Variants in PCDHGA5 observed in about 807,000 individuals in gnomAD.
PCDHGA5 encodes the protein protocadherin gamma subfamily A, 5.
Under a neutral mutation model 56.7 loss-of-function variants are expected in PCDHGA5, and 36 were observed. The ratio of observed to expected loss-of-function variants is 0.64; its 90% CI spans 0.49 to 0.84. The LOEUF (loss-of-function observed/expected upper bound fraction) is 0.84. Among genes scored for constraint, PCDHGA5 ranks in the 40% least tolerant of loss-of-function variants. The probability of loss-of-function intolerance (pLI) is 0.00; values close to 1 mark genes in which losing one functional copy is unlikely to be tolerated. For missense variants in PCDHGA5, 1,305 were observed against 1,201.5 expected (o/e 1.09, Z -1.27); for synonymous variants, 563 against 520.2 (o/e 1.08, Z -1.12).
At chr5:141,415,176 C>G (rs773987499) in intron 1 of PCDHGA5, 17 of 1,613,816 alleles carry the variant, frequency 1.1e-5, no homozygotes, top group Non-Finnish European at 5.1e-6. Flanking sequence ...TCACCGTGGC[C>G]GTGGCCGACA....
At chr5:141,408,618 A>C (rs1264915663) in intron 1 of PCDHGA5, 1 of 1,614,024 alleles carries the variant, frequency 6.2e-7, no homozygotes, top group Admixed American at 1.7e-5. Flanking sequence ...AAGGAAATAC[A>C]TTTAGAAATT....
chr5:141,476,412 G>T lies in PCDHGA5; in HGVS notation c.2422-18395G>T. The T allele has an allele frequency of 1.2e-6, 2 of 1,614,140 alleles. No homozygotes were observed. Among genetic ancestry groups the T allele is most frequent in the Non-Finnish European group, 1.7e-6 (2 of 1,180,010 alleles). On this transcript the variant is annotated intron_variant, in intron 1 of 3. Coordinates refer to ENST00000518069, the MANE Select transcript of PCDHGA5 (RefSeq NM_018918.3). The surrounding 1 kb of genome is among the most constrained non-coding windows in gnomAD (Gnocchi z 7.6). ...CGTCTGGATCGAGAGGAGCTGTGTGGGACACTGCCCTCTTGCACTGTAACT... is the reference window on the plus strand; with the variant it reads ...CGTCTGGATCGAGAGGAGCTGTGTGTGACACTGCCCTCTTGCACTGTAACT...
At chr5:141,466,574 T>C (rs978880367) in intron 1 of PCDHGA5, among the ~76,000 whole-genome samples, 5 of 152,218 alleles carry the variant, frequency 3.3e-5, no homozygotes, top group Non-Finnish European at 5.9e-5. Flanking sequence ...CAACATTGTC[T>C]CATCCCTTCT....
rs1404656316 is a variant in PCDHGA5 at position 141,486,648 on chromosome 5, A to G, written c.2422-8159A>G. 6.2e-7 allele frequency: 1 copy of G among 1,613,298 alleles called. No individual in the cohort carries two copies. The highest frequency in any genetic ancestry group is 8.5e-7 in the Non-Finnish European group (1 of 1,179,892). The stretch of plus-strand genomic sequence containing the variant: ...TCTGGCTTGAATGCGCTTATCTCCT[A>G]CTCACTCCTGGAGCCCAGGAATCGA... On this transcript the variant is annotated intron_variant, in intron 1 of 3. Coordinates refer to ENST00000518069, the MANE Select transcript of PCDHGA5 (RefSeq NM_018918.3). This position sits in a 1 kb window ranked among gnomAD's most constrained non-coding sequence, Gnocchi z 5.0.
intron 1 of PCDHGA5, chr5:141,383,056 G>A (rs768364409): frequency 4.3e-6 from 7 of 1,613,906 alleles, no homozygotes; most frequent in Non-Finnish European, 5.9e-6. Context: ...CAAGGACCTG[G>A]GGCTGGAGCC....
intron 1 of PCDHGA5, among the ~76,000 whole-genome samples, chr5:141,482,800 G>A (rs10052648): frequency 7.6e-6 from 1 of 130,764 alleles, no homozygotes; most frequent in South Asian, 2.2e-4. Flanking sequence ...GGCCGGGTAC[G>A]GTGGCTCATG....
chr5:141,376,310 G>A (rs1211342702), intron 1 of PCDHGA5: 5 of 1,613,822 alleles, frequency 3.1e-6, no homozygotes, highest in East Asian at 2.2e-5. Flanking sequence ...CTTTGTGGGC[G>A]TGGAAGGGGT....
chr5:141,478,517 T>G (rs1593923092), intron 1 of PCDHGA5: 1 of 1,611,116 alleles, frequency 6.2e-7, no homozygotes, highest in Non-Finnish European at 8.5e-7. Context: ...TAGGCAGGTG[T>G]TGGGTGCAGA....
At chr5:141,387,837 T>G (rs2091115137) in intron 1 of PCDHGA5, 1 of 1,597,490 alleles carries the variant, frequency 6.3e-7, no homozygotes, top group African/African-American at 1.3e-5. Flanking sequence ...AGGTTATTTG[T>G]AACCCGGCGT....
At position 141,477,023 on chromosome 5, in the gene PCDHGA5, A is replaced by T. The variant is rs763926460; in HGVS notation, c.2422-17784A>T. ...ATTCGCCTTAGACCTTGTAACCGGG[A>T]TGCTGACAATCAAGGGTCGGCTGGA... is the stretch of plus-strand genomic sequence containing the variant. On this transcript the variant is annotated intron_variant, in intron 1 of 3. Transcript: ENST00000518069. The surrounding 1 kb of genome is among the most constrained non-coding windows in gnomAD (Gnocchi z 4.9). 6.2e-7 allele frequency: 1 copy of T among 1,614,240 alleles called. No homozygotes were observed. The highest frequency in any genetic ancestry group is 8.5e-7 in the Non-Finnish European group (1 of 1,180,040).
intron 1 of PCDHGA5, chr5:141,409,633 TG>T: frequency 6.2e-7 from 1 of 1,613,852 alleles, no homozygotes; most frequent in Non-Finnish European, 8.5e-7. Context: ...TGAGCGCCTC[TG>T]ACCCGGATTT....
intron 3 of PCDHGA5, among the ~76,000 whole-genome samples, chr5:141,506,146 T>C (rs1014881418): frequency 6.6e-6 from 1 of 152,086 alleles, no homozygotes; most frequent in African/African-American, 2.4e-5. Context: ...AAGAATATCA[T>C]TTGTCCTTAA....
At chr5:141,407,124 T>C (rs1409043654) in intron 1 of PCDHGA5, among the ~76,000 whole-genome samples, 1 of 152,242 alleles carries the variant, frequency 6.6e-6, no homozygotes, top group Non-Finnish European at 1.5e-5. Flanking sequence ...TTTCAGTTGC[T>C]TTATTTTTAA....
intron 1 of PCDHGA5, chr5:141,374,319 C>A: frequency 6.2e-7 from 1 of 1,613,942 alleles, no homozygotes; most frequent in Non-Finnish European, 8.5e-7. Flanking sequence ...TCTCTGAATC[C>A]GCGAAACGGC....
In PCDHGA5 at chr5:141,477,200, C is replaced by A; in HGVS notation, c.2422-17607C>A. On this transcript the variant is annotated intron_variant, in intron 1 of 3. Transcript: ENST00000518069. The surrounding 1 kb of genome is among the most constrained non-coding windows in gnomAD (Gnocchi z 4.9). The stretch of plus-strand genomic sequence containing the variant: ...AGTCACCTCCGTGTACAGCCCAGTA[C>A]CCGAGGATGCCCCTCTGGGGACTGT... 6.2e-7 allele frequency: 1 copy of A among 1,614,206 alleles called. No homozygotes were observed. Among genetic ancestry groups the A allele is most frequent in the South Asian group, 1.1e-5 (1 of 91,088 alleles).
intron 3 of PCDHGA5, 154 bp from the exon 4 acceptor site, chr5:141,510,793 G>A: frequency 1.1e-6 from 1 of 935,078 alleles, no homozygotes; most frequent in Non-Finnish European, 1.3e-6. Context: ...CTCTTGTGAA[G>A]AGAGACTACC....
Position 141,491,793 on chromosome 5 carries a change from C to T in PCDHGA5, c.2422-3014C>T, listed in dbSNP as rs2099730341. 4.0e-6 allele frequency: 6 copies of T among 1,511,410 alleles called. No individual in the cohort carries two copies. Among genetic ancestry groups the T allele is most frequent in the East Asian group, 2.5e-5 (1 of 40,660 alleles). The allele number at this position is 1,511,410 out of a possible 1,614,324, so 93.6% of individuals were successfully genotyped here. A position where few individuals can be genotyped will look rare whatever the true frequency, so the allele number is the denominator to read the frequency against. On this transcript the variant is annotated intron_variant, in intron 1 of 3. Transcript: ENST00000518069. This position sits in a 1 kb window ranked among gnomAD's most constrained non-coding sequence, Gnocchi z 6.9. ...AGGGATTGAACTTGCATCCACTCCT[C>T]TCCGGCCGGCTTGGTCGCTGGCTGC...
chr5:141,374,815 G>T, intron 1 of PCDHGA5: 1 of 1,613,934 alleles, frequency 6.2e-7, no homozygotes, highest in Non-Finnish European at 8.5e-7. Context: ...TGTTTACTCA[G>T]CCTGTCTACC....
rs2099745754 is a variant in PCDHGA5 at position 141,493,023 on chromosome 5, T to A, written c.2422-1784T>A. Among the ~76,000 whole-genome samples the A allele has an allele frequency of 6.6e-6, 1 of 152,190 alleles. No individual in the cohort carries two copies. The highest frequency in any genetic ancestry group is 2.4e-5 in the African/African-American group (1 of 41,450). On this transcript the variant is annotated intron_variant, in intron 1 of 3. Coordinates refer to ENST00000518069, the MANE Select transcript of PCDHGA5 (RefSeq NM_018918.3). The surrounding 1 kb of genome is among the most constrained non-coding windows in gnomAD (Gnocchi z 4.3). ...CTATAGGCTCTGCCAGATGCCAGGGTGCCCTTATGTGTGAGGAAACTACAA... is the reference window on the plus strand; with the variant it reads ...CTATAGGCTCTGCCAGATGCCAGGGAGCCCTTATGTGTGAGGAAACTACAA...
Sources: gnomAD v4.1 joint callset for allele counts (sites outside exome capture counted in the v4.1 genomes callset) on GRCh38, gnomAD v4.1.1 for gene constraint, Gnocchi (gnomAD v3.1) non-coding constraint, MANE v1.5 for transcripts, NCBI Gene and HGNC (gene_info 2026-07-23, HGNC 2026-07-21) for gene names.